Variants in RYR2 observed in about 807,000 individuals in gnomAD.
RYR2 encodes cardiac muscle ryanodine receptor-calcium release channel.
A neutral mutation model predicts 601.1 loss-of-function variants in RYR2; 227 were observed. The observed-to-expected ratio is 0.38, with a 90% confidence interval of 0.34 to 0.42. The LOEUF (loss-of-function observed/expected upper bound fraction) is 0.42, where lower values mean the gene tolerates loss of function less well. RYR2 is among the 10% of genes least tolerant of loss of function. The pLI is 1.00. For missense variants in RYR2, 4,646 were observed against 6,156.5 expected, an observed-to-expected ratio of 0.75 and a Z score of 8.21; for synonymous variants, 2,223 against 2,175.1, an observed-to-expected ratio of 1.02 and a Z score of -0.61.
intron 14 of RYR2, 89 bp from the exon 15 acceptor site, chr1:237,454,302 A>T: frequency 2.3e-6 from 3 of 1,314,728 alleles, no homozygotes; most frequent in Non-Finnish European, 3.1e-6. Flanking sequence ...ATGTAGGGAG[A>T]GAGATTAATG....
intron 2 of RYR2, among the ~76,000 whole-genome samples, chr1:237,291,391 G>C (rs1254399295): frequency 6.6e-6 from 1 of 152,056 alleles, no homozygotes; most frequent in Non-Finnish European, 1.5e-5. Context: ...TATTTTCATA[G>C]CTAAACATAC....
At chr1:237,585,896 C>T (rs1674468922) in intron 29 of RYR2, among the ~76,000 whole-genome samples, 1 of 151,914 alleles carries the variant, frequency 6.6e-6, no homozygotes, top group Non-Finnish European at 1.5e-5. Flanking sequence ...TTTTATATTG[C>T]TTTTGAATAT....
At position 237,496,876 on chromosome 1, in the gene RYR2, T is replaced by A. The variant is rs576645396; in HGVS notation, c.2203+124T>A. ...GTATTAATTATTCAGAAATTTAGCA[T>A]TGAGATGATGAGTAAGAGTGTTGAG... On this transcript the variant is annotated intron_variant, in intron 20 of 104. Coordinates refer to ENST00000366574, the MANE Select transcript of RYR2 (RefSeq NM_001035.3). The A allele has an allele frequency of 1.9e-5, 22 of 1,162,010 alleles. No individual in the cohort carries two copies. In the African/African-American group the frequency reaches 3.2e-4, roughly 17 times the overall value. The allele number at this position is 1,162,010 out of a possible 1,614,324, so 72.0% of individuals were successfully genotyped here. A position where few individuals can be genotyped will look rare whatever the true frequency, so the allele number is the denominator to read the frequency against.
intron 1 of RYR2, among the ~76,000 whole-genome samples, chr1:237,259,582 C>G (rs1448751214): frequency 6.7e-6 from 1 of 150,296 alleles, no homozygotes; most frequent in East Asian, 2.0e-4. Flanking sequence ...AAACCACACA[C>G]ACAGCATAAA....
At chr1:237,214,017 T>C (rs1208640494) in intron 1 of RYR2, among the ~76,000 whole-genome samples, 1 of 148,962 alleles carries the variant, frequency 6.7e-6, no homozygotes, top group Non-Finnish European at 1.5e-5. Flanking sequence ...GCCTCCCAGG[T>C]TTAAGCGATC....
intron 72 of RYR2, among the ~76,000 whole-genome samples, chr1:237,717,759 T>C (rs1689382736): frequency 6.6e-6 from 1 of 152,142 alleles, no homozygotes; most frequent in Non-Finnish European, 1.5e-5. Flanking sequence ...AGGTGTTGAC[T>C]TTTAAATCAG....
Position 237,355,954 on chromosome 1 carries a change from T to C in RYR2, c.274-11T>C. ...TTGTTTGTTATTTATTTTGGCTTTT[T>C]CTTTCCACAGCAAGTTGATGTGGAA... On this transcript the variant is annotated splice_polypyrimidine_tract_variant and intron_variant, in intron 3 of 104. Transcript: ENST00000366574. The C allele has an allele frequency of 6.3e-7, 1 of 1,599,684 alleles. No homozygotes were observed. The highest frequency in any genetic ancestry group is 8.5e-7 in the Non-Finnish European group (1 of 1,172,254).
At chr1:237,361,193 A>G (rs1571978068) in intron 4 of RYR2, among the ~76,000 whole-genome samples, 1 of 152,342 alleles carries the variant, frequency 6.6e-6, no homozygotes, top group Non-Finnish European at 1.5e-5. Context: ...CTCATATGCT[A>G]TTAGGTAGTA....
At chr1:237,491,771 G>A (rs1306349555) in intron 17 of RYR2, 35 bp from the exon 18 acceptor site, 6 of 955,814 alleles carry the variant, frequency 6.3e-6, no homozygotes, top group African/African-American at 1.6e-5. Context: ...AATTAATCAT[G>A]TGTTTTTTTT....
At chr1:237,256,211 C>G (rs918790454) in intron 1 of RYR2, among the ~76,000 whole-genome samples, 3 of 152,122 alleles carry the variant, frequency 2.0e-5, no homozygotes, top group African/African-American at 7.2e-5. Flanking sequence ...CTCACATTTT[C>G]TCTTGCCTGC....
intron 1 of RYR2, among the ~76,000 whole-genome samples, chr1:237,211,735 CT>C (rs2149096357): frequency 6.6e-6 from 1 of 152,324 alleles, no homozygotes; most frequent in East Asian, 1.9e-4. Flanking sequence ...CTTGATTTCC[CT>C]GAATGCCAAA....
intron 1 of RYR2, among the ~76,000 whole-genome samples, chr1:237,153,169 G>A (rs1674921713): frequency 6.6e-6 from 1 of 152,172 alleles, no homozygotes; most frequent in Non-Finnish European, 1.5e-5. Flanking sequence ...ACAAAGAGTA[G>A]ATGTATGTGA....
intron 38 of RYR2, among the ~76,000 whole-genome samples, chr1:237,619,237 A>G (rs1678813522): frequency 6.6e-6 from 1 of 152,248 alleles, no homozygotes; most frequent in South Asian, 2.1e-4. Flanking sequence ...AGATGTTAAA[A>G]TTATCTGATG....
intron 74 of RYR2, among the ~76,000 whole-genome samples, chr1:237,724,279 C>T (rs1185507896): frequency 3.4e-5 from 5 of 147,228 alleles, no homozygotes; most frequent in Non-Finnish European, 6.0e-5. Flanking sequence ...TTTGTATTGC[C>T]TTTAGCCATA....
chr1:237,808,311 A>AATTT (rs1660866521), intron 99 of RYR2, among the ~76,000 whole-genome samples: 1 of 152,212 alleles, frequency 6.6e-6, no homozygotes, highest in Non-Finnish European at 1.5e-5. Flanking sequence ...TTACAGTCAT[A>AATTT]ACAAAAACGA....
At chr1:237,809,992 CCTTG>C (rs1374484514) in intron 100 of RYR2, among the ~76,000 whole-genome samples, 3 of 145,882 alleles carry the variant, frequency 2.1e-5, no homozygotes, top group African/African-American at 7.3e-5. Context: ...TGGATGCCAA[CCTTG>C]CTTTTTAAAT....
At chr1:237,541,770 G>T (rs1669291439) in intron 25 of RYR2, among the ~76,000 whole-genome samples, 1 of 152,144 alleles carries the variant, frequency 6.6e-6, no homozygotes, top group African/African-American at 2.4e-5. Flanking sequence ...GTGGGCAGGA[G>T]TGGGGGTCAC....
At chr1:237,816,763 A>C (rs916936281) in intron 100 of RYR2, among the ~76,000 whole-genome samples, 3 of 152,200 alleles carry the variant, frequency 2.0e-5, no homozygotes, top group African/African-American at 7.2e-5. Context: ...AAACAAATTC[A>C]AACAGTATGC....
chr1:237,260,887 A>G (rs1231607383), intron 1 of RYR2, among the ~76,000 whole-genome samples: 2 of 152,214 alleles, frequency 1.3e-5, no homozygotes, highest in Non-Finnish European at 2.9e-5. Flanking sequence ...AGACATTTTT[A>G]TGGTCCTGTA....
Sources: allele counts gnomAD v4.1 joint callset (sites outside exome capture counted in the v4.1 genomes callset), GRCh38; gene constraint gnomAD v4.1.1; transcripts MANE v1.5; gene names NCBI Gene and HGNC (gene_info 2026-07-23, HGNC 2026-07-21).